NVL: variants seen among roughly 807,000 people sequenced by gnomAD.
NVL encodes nuclear valosin-containing protein-like.
NVL carries 84 observed loss-of-function variants against 110.2 expected under a neutral mutation model. The observed-to-expected ratio is 0.76, with a 90% confidence interval of 0.64 to 0.91. The LOEUF is 0.91. NVL is among the 40% of genes least tolerant of loss of function. The pLI, the probability that NVL is intolerant of heterozygous loss-of-function variation, is 0.00. For missense variants in NVL, 882 were observed against 1,035.9 expected, an observed-to-expected ratio of 0.85 and a Z score of 2.04; for synonymous variants, 354 against 361.1, an observed-to-expected ratio of 0.98 and a Z score of 0.22.
At chr1:224,314,661 CATA>C (rs1669887198) in intron 4 of NVL, among the ~76,000 whole-genome samples, 1 of 152,076 alleles carries the variant, frequency 6.6e-6, no homozygotes, top group African/African-American at 2.4e-5. Context: ...AAAGAATTTC[CATA>C]ATGTGTTTTC....
chr1:224,248,177 A>G (rs985565018), intron 19 of NVL, among the ~76,000 whole-genome samples: 4 of 152,198 alleles, frequency 2.6e-5, no homozygotes, highest in African/African-American at 9.6e-5. Context: ...CCAGCTGCAC[A>G]AGCTGCAAAT....
chr1:224,316,362 A>G (rs6694745), intron 4 of NVL, among the ~76,000 whole-genome samples: 130,719 of 152,122 alleles, frequency 0.86, 57,579 homozygotes, highest in Non-Finnish European at 0.94. Flanking sequence ...ACAAAATGCA[A>G]TGTAACATAC....
chr1:224,306,977 A>G (rs1391100935), intron 6 of NVL, among the ~76,000 whole-genome samples: 1 of 151,660 alleles, frequency 6.6e-6, no homozygotes, highest in East Asian at 1.9e-4. Flanking sequence ...GGTTCTGCCA[A>G]ATCAAAGGGC....
chr1:224,281,592 G>A (rs565144013), intron 15 of NVL, among the ~76,000 whole-genome samples: 4 of 151,556 alleles, frequency 2.6e-5, no homozygotes, highest in East Asian at 2.0e-4. Flanking sequence ...GAGCTACTGC[G>A]CCTAGCCCTT....
At chr1:224,250,088 T>C (rs1293457673) in intron 19 of NVL, 124 bp downstream of exon 19, 5 of 846,984 alleles carry the variant, frequency 5.9e-6, no homozygotes, top group Non-Finnish European at 8.9e-6. Flanking sequence ...TTGGGAGATA[T>C]AGGCTGGGCA....
At chr1:224,237,431 A>G (rs1660608879) in intron 19 of NVL, among the ~76,000 whole-genome samples, 1 of 152,238 alleles carries the variant, frequency 6.6e-6, no homozygotes, top group Non-Finnish European at 1.5e-5. Flanking sequence ...AGCAATGACA[A>G]GTATGTAACT....
chr1:224,233,696 T>A (rs1455666447), intron 20 of NVL, among the ~76,000 whole-genome samples: 1 of 152,040 alleles, frequency 6.6e-6, no homozygotes, highest in Non-Finnish European at 1.5e-5. Context: ...GAGGTGGCGG[T>A]TGCAATGAGC....
intron 19 of NVL, among the ~76,000 whole-genome samples, chr1:224,236,856 A>G (rs1249839985): frequency 2.0e-5 from 3 of 152,224 alleles, no homozygotes. Flanking sequence ...GGTTGTAGTG[A>G]GCAGAGATCA....
chr1:224,299,316 A>G (rs1399666850), intron 10 of NVL, among the ~76,000 whole-genome samples: 8 of 151,070 alleles, frequency 5.3e-5, no homozygotes, highest in Non-Finnish European at 1.0e-4. Flanking sequence ...TGAATGGGGG[A>G]AAAAAAAGAA....
intron 6 of NVL, among the ~76,000 whole-genome samples, chr1:224,306,867 G>A (rs761005591): frequency 2.6e-5 from 4 of 152,066 alleles, no homozygotes; most frequent in African/African-American, 9.7e-5. Flanking sequence ...ATTAAGACTC[G>A]AGTTCTTGCC....
chr1:224,246,914 A>G (rs1214932519), intron 19 of NVL, among the ~76,000 whole-genome samples: 1 of 151,808 alleles, frequency 6.6e-6, no homozygotes, highest in African/African-American at 2.4e-5. Flanking sequence ...GGTGGCACGC[A>G]CCTGTGGCCC....
intron 17 of NVL, among the ~76,000 whole-genome samples, chr1:224,274,123 C>T (rs1158818016): frequency 6.6e-6 from 1 of 151,342 alleles, no homozygotes; most frequent in African/African-American, 2.4e-5. Context: ...AACTCTGTCT[C>T]TACTAAAAAC....
chr1:224,283,764 G>C (rs764440453), intron 15 of NVL, among the ~76,000 whole-genome samples: 1 of 152,110 alleles, frequency 6.6e-6, no homozygotes, highest in Non-Finnish European at 1.5e-5. Context: ...CTTCTTTCTG[G>C]CTATATTTTT....
chr1:224,304,616 T>C (rs1668737401), intron 8 of NVL, 120 bp downstream of exon 8: 2 of 842,940 alleles, frequency 2.4e-6, no homozygotes, highest in Admixed American at 2.2e-5. Flanking sequence ...TTTGCCCTTC[T>C]CAACCTTCCC....
chr1:224,294,357 C>T lies in NVL; in HGVS notation c.1235G>A (p.Arg412Gln), dbSNP rs757319956. 4 of 1,613,888 alleles carry T rather than the reference C, an allele frequency of 2.5e-6. No individual in the cohort carries two copies. The highest frequency in any genetic ancestry group is 2.5e-6 in the Non-Finnish European group (3 of 1,179,996). Residue 412 changes from arginine (R) to glutamine (Q), a missense_variant, in exon 12 of 23, where the codon CGA (arginine) becomes CAA (glutamine). Arg to Gln is a conservative substitution (Grantham distance 43, BLOSUM62 1). Transcript: ENST00000281701. Reference protein sequence around the residue: ...ARVLVIGATNRPDSLDPALRR... With the variant: ...ARVLVIGATNQPDSLDPALRR... ...CAAAGCAGGGTCTAACGAGTCTGGT[C>T]GATTAGTAGCTCCAATAACTAGGAC...
intron 19 of NVL, among the ~76,000 whole-genome samples, chr1:224,243,663 CT>C (rs34312268): frequency 5.0e-4 from 69 of 136,706 alleles, no homozygotes; most frequent in Admixed American, 1.5e-3. Flanking sequence ...TTAAGTCATA[CT>C]TTTTTTTTTT....
Position 224,236,529 on chromosome 1 carries a change from A to G in NVL, c.2343T>C (p.Gly781=). ...ACGTATAGCAATCACAGCGAAGGTC[A>G]CCAGCAATTGCTTCCAAATTTACAT... The part of the protein sequence containing the change: ...DADVNLEAIA[G]DLRCDCYTGA... The change falls in exon 20 of 23, where the codon GGT becomes GGC. Residue 781 remains glycine, a synonymous_variant. Coordinates refer to ENST00000281701, the MANE Select transcript of NVL (RefSeq NM_002533.4). The G allele has an allele frequency of 1.2e-6, 2 of 1,613,894 alleles. No homozygotes were observed. Among genetic ancestry groups the G allele is most frequent in the Non-Finnish European group, 8.5e-7 (1 of 1,179,732 alleles).
chr1:224,271,419 C>T (rs1267487854), intron 17 of NVL, among the ~76,000 whole-genome samples: 2 of 152,032 alleles, frequency 1.3e-5, no homozygotes, highest in Non-Finnish European at 2.9e-5. Context: ...AGCCCAGGAG[C>T]TCAAGGCAGC....
At chr1:224,276,520 G>C (rs900456491) in intron 16 of NVL, among the ~76,000 whole-genome samples, 2 of 152,178 alleles carry the variant, frequency 1.3e-5, no homozygotes, top group African/African-American at 4.8e-5. Flanking sequence ...TTACAGGCAT[G>C]AGCCACTGCC....
Sources: gnomAD v4.1 joint callset for allele counts (sites outside exome capture counted in the v4.1 genomes callset) on GRCh38, gnomAD v4.1.1 for gene constraint, MANE v1.5 for transcripts, NCBI Gene and HGNC (gene_info 2026-07-23, HGNC 2026-07-21) for gene names.